ROBO1: variants seen among roughly 807,000 people sequenced by gnomAD.
ROBO1 encodes roundabout guidance receptor 1.
Under a neutral mutation model 195.9 loss-of-function variants are expected in ROBO1, and 149 were observed. The observed-to-expected ratio is 0.76, with a 90% CI of 0.67 to 0.87. The LOEUF is 0.87. Ranked by LOEUF, ROBO1 falls within the 40% of genes least tolerant of loss-of-function variation. The pLI is 0.00. For missense variants in ROBO1, 1,933 were observed against 2,068.3 expected (o/e 0.93, Z 1.27); for synonymous variants, 816 against 733.2 (o/e 1.11, Z -1.82).
chr3:79,247,564 A>G (rs1222128683), intron 2 of ROBO1, among the ~76,000 whole-genome samples: 1 of 152,002 alleles, frequency 6.6e-6, no homozygotes, highest in Non-Finnish European at 1.5e-5. Flanking sequence ...AGGAAAAGCA[A>G]TAACGGAATC....
chr3:79,563,268 C>T (rs570076063), intron 2 of ROBO1, among the ~76,000 whole-genome samples: 1 of 152,044 alleles, frequency 6.6e-6, no homozygotes, highest in Non-Finnish European at 1.5e-5. Context: ...AATGAAGTTT[C>T]ATGAAATGAT....
chr3:79,234,736 A>C (rs2108861445), intron 2 of ROBO1, among the ~76,000 whole-genome samples: 1 of 152,222 alleles, frequency 6.6e-6, no homozygotes, highest in African/African-American at 2.4e-5. Flanking sequence ...AACCAAATAT[A>C]ATATGATCTC....
intron 25 of ROBO1, among the ~76,000 whole-genome samples, chr3:78,628,262 T>C (rs1385443658): frequency 6.6e-6 from 1 of 152,088 alleles, no homozygotes; most frequent in Non-Finnish European, 1.5e-5. Flanking sequence ...CCAAGAAAAA[T>C]TACTCTTAAC....
At chr3:78,928,614 T>G (rs555233404) in intron 4 of ROBO1, among the ~76,000 whole-genome samples, 4 of 152,180 alleles carry the variant, frequency 2.6e-5, no homozygotes, top group Non-Finnish European at 5.9e-5. Context: ...ATATAAATAT[T>G]GTTCCTCTTT....
At chr3:79,028,092 T>C (rs139687368) in intron 3 of ROBO1, among the ~76,000 whole-genome samples, 33 of 152,200 alleles carry the variant, frequency 2.2e-4, no homozygotes, top group African/African-American at 7.7e-4. Flanking sequence ...AAAAGTAGTA[T>C]GGCTGATAGC....
chr3:78,678,288 T>C (rs1708564692), intron 10 of ROBO1, among the ~76,000 whole-genome samples: 1 of 150,334 alleles, frequency 6.7e-6, no homozygotes, highest in African/African-American at 2.4e-5. Context: ...AGCAAACACA[T>C]TCAAAAGCTA....
At chr3:79,135,447 G>T (rs1203777796) in intron 2 of ROBO1, among the ~76,000 whole-genome samples, 1 of 152,040 alleles carries the variant, frequency 6.6e-6, no homozygotes, top group Non-Finnish European at 1.5e-5. Context: ...ATTGTTGATT[G>T]TTCAATGAAG....
intron 1 of ROBO1, among the ~76,000 whole-genome samples, chr3:79,644,667 G>T (rs1353276589): frequency 6.6e-6 from 1 of 152,144 alleles, no homozygotes; most frequent in Non-Finnish European, 1.5e-5. Context: ...TTCAAAATGA[G>T]ATTTTGGTGG....
At chr3:78,760,281 G>A (rs922133665) in intron 4 of ROBO1, among the ~76,000 whole-genome samples, 2 of 152,112 alleles carry the variant, frequency 1.3e-5, no homozygotes, top group Non-Finnish European at 2.9e-5. Flanking sequence ...AAAACCAGAC[G>A]AATACACATG....
intron 2 of ROBO1, among the ~76,000 whole-genome samples, chr3:79,537,741 T>G (rs1941925801): frequency 6.9e-6 from 1 of 145,772 alleles, no homozygotes; most frequent in Non-Finnish European, 1.5e-5. Context: ...GTTGGGGGAG[T>G]GGGGAGAGGG....
chr3:79,090,226 C>T (rs1439963796), intron 3 of ROBO1, among the ~76,000 whole-genome samples: 2 of 152,114 alleles, frequency 1.3e-5, no homozygotes, highest in African/African-American at 4.8e-5. Flanking sequence ...GCATGAGCCA[C>T]CGCTCCTGGC....
At chr3:79,123,333 A>G (rs1322855013) in intron 3 of ROBO1, among the ~76,000 whole-genome samples, 1 of 151,966 alleles carries the variant, frequency 6.6e-6, no homozygotes, top group Non-Finnish European at 1.5e-5. Context: ...ACATTCACAC[A>G]CATGCATGTG....
At chr3:78,676,245 T>C (rs1708415783) in intron 10 of ROBO1, among the ~76,000 whole-genome samples, 2 of 152,100 alleles carry the variant, frequency 1.3e-5, no homozygotes, top group South Asian at 4.1e-4. Context: ...GCAGAAAAAC[T>C]GGAAACTCTA....
chr3:79,290,371 T>C (rs1483663843), intron 2 of ROBO1, among the ~76,000 whole-genome samples: 1 of 152,028 alleles, frequency 6.6e-6, no homozygotes, highest in African/African-American at 2.4e-5. Flanking sequence ...TCGTTTATGC[T>C]TGTGGTCTTG....
chr3:79,240,644 ATTAT>A (rs1195997044), intron 2 of ROBO1, among the ~76,000 whole-genome samples: 1 of 151,782 alleles, frequency 6.6e-6, no homozygotes, highest in African/African-American at 2.4e-5. Flanking sequence ...CATTATATTT[ATTAT>A]TTATTTATTT....
intron 1 of ROBO1, among the ~76,000 whole-genome samples, chr3:79,678,373 C>T (rs1048003817): frequency 2.3e-4 from 35 of 151,916 alleles, no homozygotes; most frequent in African/African-American, 8.0e-4. Flanking sequence ...ACTATTATAT[C>T]GATAAGCATT....
At chr3:79,436,394 T>C (rs924692001) in intron 2 of ROBO1, among the ~76,000 whole-genome samples, 2 of 152,094 alleles carry the variant, frequency 1.3e-5, no homozygotes, top group Non-Finnish European at 2.9e-5. Context: ...CATTAAAAAT[T>C]ATAATTCCCC....
intron 2 of ROBO1, among the ~76,000 whole-genome samples, chr3:79,362,270 G>A (rs1577022379): frequency 6.6e-6 from 1 of 152,140 alleles, no homozygotes. Context: ...ATAATAGATC[G>A]AAGTGCATTT....
At chr3:79,493,531 T>C (rs1559939012) in intron 2 of ROBO1, among the ~76,000 whole-genome samples, 1 of 152,026 alleles carries the variant, frequency 6.6e-6, no homozygotes, top group Non-Finnish European at 1.5e-5. Flanking sequence ...GGACATTGAC[T>C]AGTTTTTGTT....
Sources: allele counts gnomAD v4.1 joint callset (sites outside exome capture counted in the v4.1 genomes callset), GRCh38; gene constraint gnomAD v4.1.1; transcripts MANE v1.5; gene names NCBI Gene and HGNC (gene_info 2026-07-23, HGNC 2026-07-21).